The following FUT8 variants were observed in gnomAD, a reference collection of about 807,000 sequenced individuals.
The protein encoded by FUT8 is alpha-(1,6)-fucosyltransferase.
Under a neutral mutation model 71.3 loss-of-function variants are expected in FUT8, and 29 were observed. The observed-to-expected ratio is 0.41, with a 90% CI of 0.30 to 0.55. FUT8 has a LOEUF of 0.55. Ranked by LOEUF, FUT8 falls within the 20% of genes least tolerant of loss-of-function variation. The pLI is 0.34. For missense variants in FUT8, 544 were observed against 702.1 expected (o/e 0.77, Z 2.55); for synonymous variants, 254 against 239.3 (o/e 1.06, Z -0.57).
intron 2 of FUT8, among the ~76,000 whole-genome samples, chr14:65,540,289 T>C (rs974561387): frequency 7.9e-5 from 12 of 152,158 alleles, no homozygotes; most frequent in African/African-American, 2.9e-4. Flanking sequence ...GGTACATGGA[T>C]GACTAGAAGA....
At chr14:65,633,847 G>T (rs1039651263) in intron 6 of FUT8, among the ~76,000 whole-genome samples, 75 of 152,144 alleles carry the variant, frequency 4.9e-4, no homozygotes, top group African/African-American at 1.6e-3. Context: ...CGGGAGGGAG[G>T]TGGGGGGTCA....
In FUT8 at chr14:65,586,268, C is replaced by G. The variant is rs1011001844; in HGVS notation, c.203+24502C>G. ...AAATCAGGCTCTTGCTAAATTTCTT[C>G]CTAGGAACAGTCAGTGCTGGAGATG... On this transcript the variant is annotated intron_variant, in intron 3 of 10. Coordinates refer to ENST00000673929, the MANE Select transcript of FUT8 (RefSeq NM_001371533.1). Among the ~76,000 whole-genome samples, 6 of 152,142 alleles carry G rather than the reference C, an allele frequency of 3.9e-5. 1 individual carries two copies. Among genetic ancestry groups the G allele is most frequent in the Non-Finnish European group, 8.8e-5 (6 of 67,998 alleles).
At chr14:65,368,608 G>A in the FUT8 span, among the ~76,000 whole-genome samples, 2 of 134,068 alleles carry the variant, frequency 1.5e-5, 1 homozygote, top group Admixed American at 1.5e-4. Context: ...TGCAAGCTCC[G>A]CCTTCCGGGT....
chr14:65,471,626 G>C (rs895124888), intron 2 of FUT8, among the ~76,000 whole-genome samples: 1 of 152,012 alleles, frequency 6.6e-6, no homozygotes, highest in African/African-American at 2.4e-5. Flanking sequence ...CTGGACTTCT[G>C]CTTCCTGCAC....
At chr14:65,564,672 G>A (rs1452377177) in intron 3 of FUT8, among the ~76,000 whole-genome samples, 2 of 151,812 alleles carry the variant, frequency 1.3e-5, no homozygotes, top group African/African-American at 2.4e-5. Context: ...TCCCTCTTAT[G>A]GTCAAATTCT....
intron 3 of FUT8, among the ~76,000 whole-genome samples, chr14:65,606,225 A>G (rs1296823874): frequency 6.6e-6 from 1 of 151,030 alleles, no homozygotes; most frequent in Non-Finnish European, 1.5e-5. Context: ...GGCGCCTGCC[A>G]CCAACCCTGG....
chr14:65,368,090 G>T, the FUT8 span, among the ~76,000 whole-genome samples: 3 of 116,110 alleles, frequency 2.6e-5, no homozygotes, highest in African/African-American at 3.5e-5. Flanking sequence ...GTCTCACTCT[G>T]TCGCCCAGGC....
intron 6 of FUT8, chr14:65,645,852 T>C (rs578084348): frequency 6.6e-6 from 1 of 152,330 alleles, no homozygotes; most frequent in Non-Finnish European, 1.5e-5. Flanking sequence ...TCTCACCCTG[T>C]ATCTATTTAT....
chr14:65,667,310 A>T (rs374380269), intron 6 of FUT8, among the ~76,000 whole-genome samples: 5 of 152,314 alleles, frequency 3.3e-5, no homozygotes, highest in East Asian at 3.9e-4. Flanking sequence ...GATCTGACAA[A>T]CAACTTCAGC....
rs1245692124 is a variant in FUT8, at chr14:65,607,863, A to T, written c.204-8115A>T. On this transcript the variant is annotated intron_variant, in intron 3 of 10. Transcript: ENST00000673929. This position sits in a 1 kb window ranked among gnomAD's most constrained non-coding sequence, Gnocchi z 4.1. ...CAGATCATGAGGTCAGGAGATCGAG[A>T]CCATTACTGGCCAACATGGTGAAAC... 6.6e-6 allele frequency among the ~76,000 whole-genome samples: 1 copy of T among 151,842 alleles called. No individual in the cohort carries two copies. The highest frequency in any genetic ancestry group is 1.5e-5 in the Non-Finnish European group (1 of 67,900).
intron 1 of FUT8, among the ~76,000 whole-genome samples, chr14:65,419,560 A>C (rs988378939): frequency 6.6e-6 from 1 of 152,186 alleles, no homozygotes; most frequent in Admixed American, 6.5e-5. Flanking sequence ...ATATAATAGA[A>C]GTTGTATTAG....
At chr14:65,633,167 C>T (rs1223997863) in intron 6 of FUT8, among the ~76,000 whole-genome samples, 179 of 152,122 alleles carry the variant, frequency 1.2e-3, no homozygotes, top group African/African-American at 3.9e-3. Flanking sequence ...TGCAGGCGCG[C>T]GCCGCCACGC....
At chr14:65,415,752 A>T (rs1293378302) in intron 1 of FUT8, among the ~76,000 whole-genome samples, 1 of 151,822 alleles carries the variant, frequency 6.6e-6, no homozygotes, top group Non-Finnish European at 1.5e-5. Context: ...CTGGAGAACA[A>T]TATCCCCAGG....
chr14:65,615,902 T>C (rs1889256839), intron 3 of FUT8, 76 bp from the exon 4 acceptor site: 2 of 981,878 alleles, frequency 2.0e-6, no homozygotes, highest in Non-Finnish European at 3.1e-6. Flanking sequence ...ACAGTATAAA[T>C]GTTTTAGAAA....
At chr14:65,392,110 T>G in the FUT8 span, among the ~76,000 whole-genome samples, 2 of 151,880 alleles carry the variant, frequency 1.3e-5, no homozygotes, top group East Asian at 3.9e-4. Flanking sequence ...TTTTGTATTT[T>G]TAGCAGAGTT....
chr14:65,698,118 T>A (rs1040769018), intron 7 of FUT8, among the ~76,000 whole-genome samples: 1 of 152,220 alleles, frequency 6.6e-6, no homozygotes, highest in Non-Finnish European at 1.5e-5. Flanking sequence ...CAATATTTAT[T>A]TCAATATGAA....
intron 3 of FUT8, among the ~76,000 whole-genome samples, chr14:65,570,588 G>C (rs1289797788): frequency 6.6e-6 from 1 of 151,994 alleles, no homozygotes; most frequent in Non-Finnish European, 1.5e-5. Flanking sequence ...ATTTCCATTA[G>C]TTCCTGTGCC....
chr14:65,553,905 A>C (rs558386213), intron 2 of FUT8, among the ~76,000 whole-genome samples: 1 of 151,628 alleles, frequency 6.6e-6, no homozygotes, highest in Non-Finnish European at 1.5e-5. Context: ...CCCTACTAGC[A>C]ATTCTCTGCA....
At chr14:65,634,979 C>T (rs1890466017) in intron 6 of FUT8, among the ~76,000 whole-genome samples, 1 of 152,168 alleles carries the variant, frequency 6.6e-6, no homozygotes, top group Non-Finnish European at 1.5e-5. Context: ...GATGCGTTTC[C>T]ATTTGTTTGT....
Sources: allele counts gnomAD v4.1 joint callset (sites outside exome capture counted in the v4.1 genomes callset), GRCh38; gene constraint gnomAD v4.1.1; non-coding constraint Gnocchi (gnomAD v3.1); transcripts MANE v1.5; gene names NCBI Gene and HGNC (gene_info 2026-07-23, HGNC 2026-07-21).